The following CTDP1 variants were observed in gnomAD, a reference collection of about 807,000 sequenced individuals.
CTDP1 encodes RNA polymerase II subunit A C-terminal domain phosphatase.
In CTDP1, 47 loss-of-function variants were observed where a neutral mutation model predicts 91.8. That is an observed-to-expected ratio of 0.51 (90% CI 0.41 to 0.65). CTDP1 has a LOEUF of 0.65. CTDP1 is among the 30% of genes least tolerant of loss of function. CTDP1 has a pLI of 0.00. For synonymous variants in CTDP1, 656 were observed against 598.5 expected, an observed-to-expected ratio of 1.10 and a Z score of -1.40; for missense variants, 1,272 against 1,373.7, an observed-to-expected ratio of 0.93 and a Z score of 1.17.
chr18:79,738,975 C>A (rs764014061), intron 12 of CTDP1, among the ~76,000 whole-genome samples: 1 of 152,208 alleles, frequency 6.6e-6, no homozygotes, highest in Non-Finnish European at 1.5e-5. Context: ...CTTCACTTTT[C>A]GGTGTAGACC....
At chr18:79,678,232 G>C (rs1433537856), upstream of CTDP1, 1 of 152,210 alleles carries the variant, frequency 6.6e-6, no homozygotes, top group Non-Finnish European at 1.5e-5. Flanking sequence ...ATTCAAATGA[G>C]GCGACAATCG....
chr18:79,747,287 C>A (rs1371215083), intron 12 of CTDP1, among the ~76,000 whole-genome samples: 7 of 152,196 alleles, frequency 4.6e-5, no homozygotes, highest in Non-Finnish European at 1.5e-5. Flanking sequence ...CCCTCTTCCA[C>A]CTGTAACACA....
At chr18:79,676,927 A>G (rs1456990917), upstream of CTDP1, among the ~76,000 whole-genome samples, 1 of 152,260 alleles carries the variant, frequency 6.6e-6, no homozygotes, top group Non-Finnish European at 1.5e-5. Flanking sequence ...GCTGTATAGC[A>G]TCTCTAATTG....
At chr18:79,699,857 A>G (rs2085822885) in intron 4 of CTDP1, among the ~76,000 whole-genome samples, 1 of 152,098 alleles carries the variant, frequency 6.6e-6, no homozygotes, top group African/African-American at 2.4e-5. Flanking sequence ...CGCTCTGGAA[A>G]TTTCCCGTGT....
At chr18:79,735,077 G>A (rs1301165333) in intron 11 of CTDP1, among the ~76,000 whole-genome samples, 1 of 152,214 alleles carries the variant, frequency 6.6e-6, no homozygotes, top group Admixed American at 6.5e-5. Context: ...CGGCCTCCAT[G>A]TGGGCTCGGG....
chr18:79,681,712 A>G (rs757264167), intron 1 of CTDP1, among the ~76,000 whole-genome samples: 15 of 152,174 alleles, frequency 9.9e-5, no homozygotes, highest in Admixed American at 5.2e-4. Context: ...CCTTTGAGAC[A>G]CTGATGTGAT....
At position 79,720,598 on chromosome 18, in the gene CTDP1, T is replaced by C. The variant is rs572635627; in HGVS notation, c.2417+2582T>C. ...CCTGGTGATGTCACTTCCCATCGTG[T>C]TCTGGTGACGATGTCATCTCCTGTT... On this transcript the variant is annotated intron_variant, in intron 10 of 12. Coordinates refer to ENST00000613122, the MANE Select transcript of CTDP1 (RefSeq NM_004715.5). Among the ~76,000 whole-genome samples, 13 of 152,252 alleles carry C rather than the reference T, an allele frequency of 8.5e-5. 1 individual carries two copies. The South Asian group carries it at 2.3e-3, about 27-fold the overall frequency.
intron 5 of CTDP1, among the ~76,000 whole-genome samples, chr18:79,709,958 A>G (rs1219010294): frequency 6.6e-6 from 1 of 152,214 alleles, no homozygotes; most frequent in Non-Finnish European, 1.5e-5. Context: ...ATTTCAGCTT[A>G]GTGTCCAGAC....
At chr18:79,693,120 C>T (rs2085658596) in intron 1 of CTDP1, among the ~76,000 whole-genome samples, 1 of 152,152 alleles carries the variant, frequency 6.6e-6, no homozygotes, top group Admixed American at 6.5e-5. Flanking sequence ...GACTCCTGGG[C>T]GGGGATGGCC....
intron 1 of CTDP1, among the ~76,000 whole-genome samples, chr18:79,688,118 G>A (rs1417459510): frequency 6.6e-6 from 1 of 152,252 alleles, no homozygotes; most frequent in Non-Finnish European, 1.5e-5. Flanking sequence ...GTGTTCTCCA[G>A]GATGGCTGCG....
At chr18:79,694,264 G>GTGA (rs1568178117) in intron 1 of CTDP1, among the ~76,000 whole-genome samples, 233 of 136,520 alleles carry the variant, frequency 1.7e-3, no homozygotes, top group African/African-American at 5.2e-3. Context: ...GGGGGCTACA[G>GTGA]GCACCTAGGG....
In CTDP1 at chr18:79,753,869, G is replaced by A. The variant is rs145688366; in HGVS notation, c.*79G>A. ...CGTCCCCGGACCAGCCCTCAGTCTCGGTCCACGCTGCTTTCTTCCCAAAGG... is the reference window on the plus strand; with the variant it reads ...CGTCCCCGGACCAGCCCTCAGTCTCAGTCCACGCTGCTTTCTTCCCAAAGG... On this transcript the variant is annotated 3_prime_UTR_variant, in exon 13 of 13. Transcript: ENST00000613122. 2.9e-4 allele frequency: 438 copies of A among 1,533,970 alleles called. No homozygotes were observed. Among genetic ancestry groups the A allele is most frequent in the Middle Eastern group, 1.8e-3 (8 of 4,352 alleles).
upstream of CTDP1, chr18:79,677,800 C>T (rs1251749639): frequency 6.6e-6 from 1 of 152,222 alleles, no homozygotes; most frequent in African/African-American, 2.4e-5. Context: ...GTAGTGTGTC[C>T]TTACAGTGTG....
chr18:79,728,825 G>T, intron 10 of CTDP1, 82 bp from the exon 11 acceptor site: 1 of 1,416,926 alleles, frequency 7.1e-7, no homozygotes. Context: ...TACCTAGTCC[G>T]AGAGCCAGGA....
At chr18:79,698,109 G>T in intron 4 of CTDP1, 121 bp downstream of exon 4, 1 of 1,428,832 alleles carries the variant, frequency 7.0e-7, no homozygotes, top group South Asian at 1.2e-5. Context: ...GGTTTGGAAA[G>T]CAGACTTGCT....
chr18:79,733,446 G>T (rs1012228132), intron 11 of CTDP1, among the ~76,000 whole-genome samples: 1 of 152,202 alleles, frequency 6.6e-6, no homozygotes, highest in Non-Finnish European at 1.5e-5. Flanking sequence ...GAGGGTTGAG[G>T]TGGGGCCCGT....
chr18:79,688,319 C>T (rs1254940037), intron 1 of CTDP1, among the ~76,000 whole-genome samples: 5 of 152,256 alleles, frequency 3.3e-5, no homozygotes, highest in Non-Finnish European at 7.3e-5. Context: ...GGCTGGAGTG[C>T]AGCGGTGCAA....
intron 2 of CTDP1, among the ~76,000 whole-genome samples, chr18:79,695,532 G>T (rs2085728923): frequency 6.6e-6 from 1 of 152,206 alleles, no homozygotes; most frequent in Admixed American, 6.5e-5. Flanking sequence ...GGTGTGGTGG[G>T]GGGGCATGCT....
At chr18:79,682,471 A>G (rs1481800779) in intron 1 of CTDP1, among the ~76,000 whole-genome samples, 1 of 152,238 alleles carries the variant, frequency 6.6e-6, no homozygotes, top group African/African-American at 2.4e-5. Context: ...GCCAACAGTG[A>G]TGGATTTCTC....
Sources: allele counts gnomAD v4.1 joint callset (sites outside exome capture counted in the v4.1 genomes callset), GRCh38; gene constraint gnomAD v4.1.1; transcripts MANE v1.5; gene names NCBI Gene and HGNC (gene_info 2026-07-23, HGNC 2026-07-21).